The following TNFRSF19 variants were observed in gnomAD, a reference collection of about 807,000 sequenced individuals.
TNFRSF19 encodes tumor necrosis factor receptor superfamily member 19.
A neutral mutation model predicts 46.4 loss-of-function variants in TNFRSF19; 27 were observed. The ratio of observed to expected loss-of-function variants is 0.58; its 90% CI spans 0.43 to 0.80. The LOEUF is 0.80. Among genes scored for constraint, TNFRSF19 ranks in the 30% least tolerant of loss-of-function variants. TNFRSF19 has a pLI of 0.00. For missense variants in TNFRSF19, 511 were observed against 530.8 expected (o/e 0.96, Z 0.37); for synonymous variants, 204 against 205.0 (o/e 1.00, Z 0.04).
chr13:23,668,133 C>A, intron 8 of TNFRSF19, 51 bp downstream of exon 8: 1 of 1,428,902 alleles, frequency 7.0e-7, no homozygotes, highest in Non-Finnish European at 9.6e-7. Flanking sequence ...TGCAAATATG[C>A]ATTCTACTAA....
intron 4 of TNFRSF19, among the ~76,000 whole-genome samples, chr13:23,618,552 A>G (rs1881454900): frequency 6.6e-6 from 1 of 152,194 alleles, no homozygotes; most frequent in Admixed American, 6.5e-5. Flanking sequence ...AAACCCTCAT[A>G]CACTGTTGGT....
intron 3 of TNFRSF19, among the ~76,000 whole-genome samples, chr13:23,609,349 G>A (rs142460797): frequency 6.6e-6 from 1 of 152,222 alleles, no homozygotes; most frequent in East Asian, 1.9e-4. Flanking sequence ...AGGGTTACTC[G>A]GCCATCAGGC....
chr13:23,586,183 G>A (rs562944197), intron 1 of TNFRSF19, among the ~76,000 whole-genome samples: 21 of 151,326 alleles, frequency 1.4e-4, no homozygotes, highest in African/African-American at 4.9e-4. Context: ...GTGTGAACCT[G>A]GGAGGCGGAG....
chr13:23,621,084 C>G (rs963316287), intron 4 of TNFRSF19, among the ~76,000 whole-genome samples: 1 of 152,080 alleles, frequency 6.6e-6, no homozygotes, highest in Admixed American at 6.5e-5. Context: ...CTGGGGCTTC[C>G]GTGATTGATT....
At chr13:23,623,923 G>A (rs973029816) in intron 4 of TNFRSF19, among the ~76,000 whole-genome samples, 4 of 151,982 alleles carry the variant, frequency 2.6e-5, no homozygotes, top group Non-Finnish European at 5.9e-5. Flanking sequence ...CCATTCCATA[G>A]GAATGTTTAT....
intron 9 of TNFRSF19, chr13:23,669,788 TTCAG>T (rs1209115492): frequency 1.1e-6 from 1 of 875,490 alleles, no homozygotes; most frequent in Non-Finnish European, 1.4e-6. Context: ...CTCTGCTTTC[TTCAG>T]GTGAGGATGT....
At position 23,607,306 on chromosome 13, in the gene TNFRSF19, C is replaced by T. The variant is rs1267411020; in HGVS notation, c.181-8561C>T. 5.9e-5 allele frequency among the ~76,000 whole-genome samples: 9 copies of T among 151,940 alleles called. 1 individual carries two copies. The highest frequency in any genetic ancestry group is 4.2e-4 in the South Asian group (2 of 4,802). On this transcript the variant is annotated intron_variant, in intron 3 of 9. Transcript: ENST00000248484. ...AAAATTAGCCAGGTGTGGTGGTGGG[C>T]GCCTTTAATCCCAGCTACTCAGGAG...
chr13:23,625,804 A>G (rs551460004), intron 4 of TNFRSF19, among the ~76,000 whole-genome samples: 3 of 152,140 alleles, frequency 2.0e-5, no homozygotes, highest in Non-Finnish European at 2.9e-5. Context: ...ACATATACCT[A>G]TTGGCCTACA....
intron 5 of TNFRSF19, among the ~76,000 whole-genome samples, chr13:23,637,888 AG>A (rs1882786982): frequency 6.6e-6 from 1 of 152,218 alleles, no homozygotes; most frequent in Non-Finnish European, 1.5e-5. Context: ...TTTCTTTCAC[AG>A]GGGCTGGAGG....
intron 5 of TNFRSF19, among the ~76,000 whole-genome samples, chr13:23,629,011 T>A (rs116323246): frequency 6.6e-6 from 1 of 151,952 alleles, no homozygotes; most frequent in Non-Finnish European, 1.5e-5. Context: ...ACAGCTAATC[T>A]CCTCAAAAGA....
rs538306900 is a variant in TNFRSF19, at chr13:23,630,686, T to G, written c.445+3894T>G. On this transcript the variant is annotated intron_variant, in intron 5 of 9. Transcript: ENST00000248484. Reference sequence around the variant, plus strand: ...TCAGTTCCTAATCACCTGTGCCCACTTAGAGCTTCAAGGAGAAATAGAGAA... The same window carrying G: ...TCAGTTCCTAATCACCTGTGCCCACGTAGAGCTTCAAGGAGAAATAGAGAA... Among the ~76,000 whole-genome samples the G allele has an allele frequency of 5.9e-5, 9 of 152,334 alleles. No individual in the cohort carries two copies. The South Asian group carries it at 1.9e-3, about 32-fold the overall frequency.
intron 3 of TNFRSF19, among the ~76,000 whole-genome samples, chr13:23,597,475 G>T (rs868406817): frequency 9.2e-5 from 14 of 152,288 alleles, no homozygotes; most frequent in Middle Eastern, 3.4e-3. Flanking sequence ...ACACCTCTAT[G>T]CAAATAAATT....
Position 23,596,324 on chromosome 13 carries a change from C to T in TNFRSF19, c.180+2869C>T, listed in dbSNP as rs1011291203. Among the ~76,000 whole-genome samples the T allele has an allele frequency of 2.6e-5, 4 of 152,156 alleles. No individual in the cohort carries two copies. The East Asian group carries it at 7.7e-4, about 29-fold the overall frequency. On this transcript the variant is annotated intron_variant, in intron 3 of 9. Transcript: ENST00000248484. The stretch of plus-strand genomic sequence containing the variant: ...TGGCAAATTGGATAAAGAGTCAAGA[C>T]CCATCAGTGTGCAGTATTCAGGAGA...
At chr13:23,622,521 A>T (rs1028096624) in intron 4 of TNFRSF19, among the ~76,000 whole-genome samples, 7 of 152,198 alleles carry the variant, frequency 4.6e-5, no homozygotes, top group African/African-American at 1.4e-4. Flanking sequence ...TTTAAAAAAA[A>T]TTTTGGCAAA....
intron 3 of TNFRSF19, among the ~76,000 whole-genome samples, chr13:23,605,234 G>A (rs1827679037): frequency 6.6e-6 from 1 of 152,116 alleles, no homozygotes; most frequent in Non-Finnish European, 1.5e-5. Flanking sequence ...TGTCATCAGG[G>A]AAATGCAAAT....
chr13:23,611,014 C>G (rs1329716424), intron 3 of TNFRSF19, among the ~76,000 whole-genome samples: 1 of 151,970 alleles, frequency 6.6e-6, no homozygotes, highest in African/African-American at 2.4e-5. Flanking sequence ...AATGGCGGAC[C>G]ATGCTCCATA....
intron 1 of TNFRSF19, among the ~76,000 whole-genome samples, chr13:23,572,457 T>C (rs1037812418): frequency 1.3e-5 from 2 of 152,182 alleles, no homozygotes; most frequent in Non-Finnish European, 2.9e-5. Flanking sequence ...AAAGAAATAG[T>C]GTGTCTGAAA....
intron 3 of TNFRSF19, among the ~76,000 whole-genome samples, chr13:23,594,653 A>T (rs1879570373): frequency 6.6e-6 from 1 of 152,232 alleles, no homozygotes; most frequent in South Asian, 2.1e-4. Context: ...CCTGGAACAG[A>T]GCACTTCAGG....
intron 3 of TNFRSF19, among the ~76,000 whole-genome samples, chr13:23,605,216 A>G (rs972721484): frequency 1.3e-5 from 2 of 152,222 alleles, no homozygotes; most frequent in African/African-American, 4.8e-5. Flanking sequence ...AAGATCCTCC[A>G]TATAGTATGT....
Sources: allele counts gnomAD v4.1 joint callset (sites outside exome capture counted in the v4.1 genomes callset), GRCh38; gene constraint gnomAD v4.1.1; transcripts MANE v1.5; gene names NCBI Gene and HGNC (gene_info 2026-07-23, HGNC 2026-07-21).